The following TNNI3K variants were observed in gnomAD, a reference collection of about 807,000 sequenced individuals.
TNNI3K encodes TNNI3 interacting kinase.
A neutral mutation model predicts 114.5 loss-of-function variants in TNNI3K; 140 were observed. The ratio of observed to expected loss-of-function variants is 1.22; its 90% CI spans 1.07 to 1.41. The LOEUF (loss-of-function observed/expected upper bound fraction) is 1.41. Among genes scored for constraint, TNNI3K ranks in the 40% most tolerant of loss-of-function variants. The pLI is 0.00. For missense variants in TNNI3K, 1,125 were observed against 1,007.6 expected (o/e 1.12, Z -1.58); for synonymous variants, 347 against 347.5 (o/e 1.00, Z 0.02).
chr1:74,316,920 C>T (rs1359262313), intron 5 of TNNI3K, among the ~76,000 whole-genome samples: 5 of 151,442 alleles, frequency 3.3e-5, no homozygotes, highest in Non-Finnish European at 7.4e-5. Context: ...GGAATTGTCT[C>T]GATCTCCTGA....
intron 17 of TNNI3K, among the ~76,000 whole-genome samples, chr1:74,392,557 T>G (rs1663845829): frequency 6.6e-5 from 10 of 152,202 alleles, no homozygotes; most frequent in Admixed American, 6.5e-4. Flanking sequence ...CCCTACTGCT[T>G]TAGATGCAGA....
At chr1:74,305,464 T>G (rs1168669065) in intron 5 of TNNI3K, among the ~76,000 whole-genome samples, 1 of 152,192 alleles carries the variant, frequency 6.6e-6, no homozygotes, top group Non-Finnish European at 1.5e-5. Context: ...GCTCAGAAAC[T>G]AGAAAACCCT....
At chr1:74,406,112 A>G (rs762201266) in intron 17 of TNNI3K, among the ~76,000 whole-genome samples, 9 of 152,174 alleles carry the variant, frequency 5.9e-5, no homozygotes, top group Non-Finnish European at 1.3e-4. Flanking sequence ...CCACTTCTGA[A>G]CTATTCAGGT....
chr1:74,388,018 G>A (rs1030024997), intron 17 of TNNI3K, among the ~76,000 whole-genome samples: 1 of 152,090 alleles, frequency 6.6e-6, no homozygotes, highest in African/African-American at 2.4e-5. Flanking sequence ...GGCAGCTCAC[G>A]CCTATAATCC....
At chr1:74,378,597 TA>T (rs1663029171) in intron 17 of TNNI3K, 4 of 30,108 alleles carry the variant, frequency 1.3e-4, no homozygotes, top group African/African-American at 6.8e-4. Flanking sequence ...TTTAATTTTA[TA>T]TATATATATA....
intron 22 of TNNI3K, among the ~76,000 whole-genome samples, chr1:74,490,795 C>A (rs764971530): frequency 1.3e-5 from 2 of 152,262 alleles, no homozygotes; most frequent in South Asian, 2.1e-4. Flanking sequence ...GAAAGCAGGA[C>A]CCTAGATCTT....
intron 5 of TNNI3K, among the ~76,000 whole-genome samples, chr1:74,312,236 A>C (rs1437928807): frequency 6.6e-6 from 1 of 152,228 alleles, no homozygotes; most frequent in Non-Finnish European, 1.5e-5. Flanking sequence ...AGTAGGATAA[A>C]TCACTATCAG....
chr1:74,457,868 T>G (rs1667291679), intron 20 of TNNI3K, among the ~76,000 whole-genome samples: 1 of 152,174 alleles, frequency 6.6e-6, no homozygotes, highest in African/African-American at 2.4e-5. Context: ...GAGCTGAGCC[T>G]TATGACCAGT....
At chr1:74,453,945 G>A (rs928593030) in intron 20 of TNNI3K, among the ~76,000 whole-genome samples, 3 of 152,152 alleles carry the variant, frequency 2.0e-5, no homozygotes, top group East Asian at 1.9e-4. Flanking sequence ...AATTAATTCA[G>A]CATTTTAAAG....
chr1:74,278,587 A>G (rs1186680930), intron 5 of TNNI3K, among the ~76,000 whole-genome samples: 2 of 152,158 alleles, frequency 1.3e-5, no homozygotes, highest in African/African-American at 4.8e-5. Context: ...TCTGCATTAC[A>G]TTTTAATAGC....
chr1:74,348,314 GCA>G (rs1661134716), intron 9 of TNNI3K, among the ~76,000 whole-genome samples: 1 of 152,180 alleles, frequency 6.6e-6, no homozygotes, highest in African/African-American at 2.4e-5. Flanking sequence ...TTGTAGATAA[GCA>G]GCATTATTTC....
At chr1:74,327,046 A>G (rs551273304) in intron 5 of TNNI3K, among the ~76,000 whole-genome samples, 1 of 151,094 alleles carries the variant, frequency 6.6e-6, no homozygotes, top group South Asian at 2.1e-4. Context: ...GCGCCACTGC[A>G]CTTCAGCCTG....
At chr1:74,387,080 CAGAT>C (rs1213544750) in intron 17 of TNNI3K, among the ~76,000 whole-genome samples, 13 of 152,244 alleles carry the variant, frequency 8.5e-5, no homozygotes, top group Admixed American at 6.5e-4. Context: ...ATACATTTAA[CAGAT>C]AGTTTTTGCT....
intron 4 of TNNI3K, among the ~76,000 whole-genome samples, chr1:74,265,414 T>A (rs1406432050): frequency 6.6e-6 from 1 of 151,782 alleles, no homozygotes; most frequent in African/African-American, 2.4e-5. Context: ...CCTTACTCAG[T>A]CATTGACTGG....
intron 23 of TNNI3K, among the ~76,000 whole-genome samples, chr1:74,496,851 GATTACATCATGTAAATTTAGAAATGACA>G (rs1669353193): frequency 6.6e-6 from 1 of 152,092 alleles, no homozygotes; most frequent in Non-Finnish European, 1.5e-5. Context: ...CTTGTACATG[GATTACATCATGTAAATTTAGAAATGACA>G]AACTGATACA....
rs539878686 is a variant in TNNI3K at position 74,306,514 on chromosome 1, T to G, written c.445-24936T>G. The stretch of plus-strand genomic sequence containing the variant: ...CCACCAACAGTCTATAAGTGTTTCC[T>G]TTTCTCTGCGTCCATGCCAACATGT... On this transcript the variant is annotated intron_variant, in intron 5 of 24. Transcript: ENST00000326637. Among the ~76,000 whole-genome samples the G allele has an allele frequency of 2.0e-5, 3 of 152,334 alleles. No homozygotes were observed. In the South Asian group the frequency reaches 6.2e-4, roughly 32 times the overall value.
chr1:74,351,152 G>C (rs1312527914), intron 9 of TNNI3K, among the ~76,000 whole-genome samples: 1 of 151,876 alleles, frequency 6.6e-6, no homozygotes, highest in Non-Finnish European at 1.5e-5. Flanking sequence ...GCTCTTTTAG[G>C]GCAGGCCTGG....
At chr1:74,399,626 A>G (rs917626806) in intron 17 of TNNI3K, among the ~76,000 whole-genome samples, 2 of 152,192 alleles carry the variant, frequency 1.3e-5, no homozygotes, top group Non-Finnish European at 2.9e-5. Context: ...CTGGTAAAAG[A>G]ATCCCCAGAT....
chr1:74,436,057 T>TTTTC, intron 17 of TNNI3K, 23 bp from the exon 18 acceptor site: 1 of 68,272 alleles, frequency 1.5e-5, no homozygotes, highest in African/African-American at 3.4e-5. Context: ...AATGTCTACT[T>TTTTC]TTTTTTTTTT....
Sources: gnomAD v4.1 joint callset for allele counts (sites outside exome capture counted in the v4.1 genomes callset) on GRCh38, gnomAD v4.1.1 for gene constraint, MANE v1.5 for transcripts, NCBI Gene and HGNC (gene_info 2026-07-23, HGNC 2026-07-21) for gene names.